Variants in BRSK2 observed in about 807,000 individuals in gnomAD.
BRSK2 encodes serine/threonine-protein kinase BRSK2.
BRSK2 carries 19 observed loss-of-function variants against 83.3 expected under a neutral mutation model. The observed-to-expected ratio is 0.23, with a 90% CI of 0.16 to 0.33. The LOEUF (loss-of-function observed/expected upper bound fraction) is 0.33, where lower values mean the gene tolerates loss of function less well. BRSK2 is among the 10% of genes least tolerant of loss of function. The pLI is 1.00. For synonymous variants in BRSK2, 519 were observed against 435.4 expected (o/e 1.19, Z -2.39); for missense variants, 798 against 1,042.3 (o/e 0.77, Z 3.23).
intron 1 of BRSK2, among the ~76,000 whole-genome samples, chr11:1,421,169 G>A (rs187838144): frequency 2.4e-4 from 36 of 152,316 alleles, no homozygotes; most frequent in African/African-American, 5.5e-4. Flanking sequence ...GCTGCGCTTC[G>A]GAGGGGAGGG....
chr11:1,414,474 T>C (rs1847886109), intron 1 of BRSK2, among the ~76,000 whole-genome samples: 1 of 152,212 alleles, frequency 6.6e-6, no homozygotes, highest in Admixed American at 6.5e-5. Context: ...CCTCAGAGTA[T>C]GCTAAGGTGC....
intron 1 of BRSK2, among the ~76,000 whole-genome samples, chr11:1,426,349 G>T (rs1243536927): frequency 1.3e-5 from 2 of 152,010 alleles, no homozygotes; most frequent in Non-Finnish European, 2.9e-5. Context: ...CTGGCGACTG[G>T]GCTTGGATCT....
At chr11:1,458,465 C>T (rs964386438) in intron 18 of BRSK2, among the ~76,000 whole-genome samples, 1 of 152,154 alleles carries the variant, frequency 6.6e-6, no homozygotes, top group Non-Finnish European at 1.5e-5. Flanking sequence ...CCCTGCCCCC[C>T]TCCCACACTG....
At chr11:1,445,142 C>A in intron 9 of BRSK2, 140 bp downstream of exon 9, 2 of 1,465,066 alleles carry the variant, frequency 1.4e-6, no homozygotes, top group South Asian at 1.2e-5. Flanking sequence ...GCGCTGGGTG[C>A]GGGGTGCGGG....
In BRSK2 at chr11:1,459,227, C is replaced by G. The variant is rs2133297446; in HGVS notation, c.1975C>G (p.Leu659Val). The G allele has an allele frequency of 1.2e-6, 2 of 1,613,816 alleles. No homozygotes were observed. Among genetic ancestry groups the G allele is most frequent in the Non-Finnish European group, 1.7e-6 (2 of 1,179,874 alleles). Residue 659 changes from leucine to valine, a missense_variant, in exon 19 of 20, where the codon CTT becomes GTT. Transcript: ENST00000528841. ...CTGTATGGAAATGATGACGGGGCGG[C>G]TTTCCAAATGTGGTAAGAATCCCCC... ...TNCMEMMTGR[L>V]SKCGSPLSNF...
At chr11:1,405,616 AC>A (rs1036537572) in intron 1 of BRSK2, among the ~76,000 whole-genome samples, 5 of 151,916 alleles carry the variant, frequency 3.3e-5, no homozygotes, top group African/African-American at 9.7e-5. Context: ...GGCGCCAGCT[AC>A]CCCCAAGGGC....
At chr11:1,416,029 AT>A (rs564785378) in intron 1 of BRSK2, among the ~76,000 whole-genome samples, 1 of 152,282 alleles carries the variant, frequency 6.6e-6, no homozygotes, top group Non-Finnish European at 1.5e-5. Flanking sequence ...AACCAAGTTC[AT>A]TAGTGCTCTT....
chr11:1,425,712 T>C (rs1382440668), intron 1 of BRSK2, among the ~76,000 whole-genome samples: 1 of 152,114 alleles, frequency 6.6e-6, no homozygotes, highest in Non-Finnish European at 1.5e-5. Flanking sequence ...TCCACTGGCC[T>C]TGGGGTAGAT....
intron 1 of BRSK2, among the ~76,000 whole-genome samples, chr11:1,409,055 GA>G (rs1256667081): frequency 6.6e-6 from 1 of 151,852 alleles, no homozygotes; most frequent in Non-Finnish European, 1.5e-5. Context: ...CCTGTACAGG[GA>G]TGTGTGTGTA....
Position 1,423,680 on chromosome 11 carries a change from G to A in BRSK2, c.92-12360G>A, listed in dbSNP as rs1215312642. On this transcript the variant is annotated intron_variant, in intron 1 of 19. Coordinates refer to ENST00000528841, the MANE Select transcript of BRSK2 (RefSeq NM_001256627.2). This position sits in a 1 kb window ranked among gnomAD's most constrained non-coding sequence, Gnocchi z 6.5. ...AGCCCTGCCCCAAGCCTCCCCCGCT[G>A]GGCGTTCCGGGTGCCCCAGGCCTCC... 7.1e-6 allele frequency among the ~76,000 whole-genome samples: 1 copy of A among 140,210 alleles called. No homozygotes were observed. Among genetic ancestry groups the A allele is most frequent in the African/African-American group, 3.0e-5 (1 of 33,060 alleles). The allele number at this position is 140,210 out of a possible 152,430, so 92.0% of individuals were successfully genotyped here. A position where few individuals can be genotyped will look rare whatever the true frequency, so the allele number is the denominator to read the frequency against.
intron 1 of BRSK2, chr11:1,411,393 C>T: frequency 6.9e-7 from 1 of 1,458,802 alleles, no homozygotes; most frequent in South Asian, 1.4e-5. Flanking sequence ...GGTAGGGCAC[C>T]AGCCTCACCC....
intron 2 of BRSK2, 143 bp downstream of exon 2, chr11:1,436,277 C>A (rs1850293128): frequency 7.0e-6 from 5 of 712,662 alleles, no homozygotes; most frequent in Non-Finnish European, 1.1e-5. Context: ...GCCGCCACAC[C>A]CCTGCTGGTC....
chr11:1,405,931 T>C (rs1485358451), intron 1 of BRSK2, among the ~76,000 whole-genome samples: 1 of 152,000 alleles, frequency 6.6e-6, no homozygotes, highest in Non-Finnish European at 1.5e-5. Flanking sequence ...CGTCAGACGC[T>C]GGTCTGCACC....
chr11:1,436,117 G>A lies in BRSK2; in HGVS notation c.169G>A (p.Glu57Lys), dbSNP rs1379253051. ...IKIVNREKLSESVLMKVEREI... is the reference protein window; with the variant it reads ...IKIVNREKLSKSVLMKVEREI... ...GATCGTCAACCGTGAGAAGCTCAGCGAGTCGGTGCTGATGAAGGTGGGTGG... is the reference window on the plus strand; with the variant it reads ...GATCGTCAACCGTGAGAAGCTCAGCAAGTCGGTGCTGATGAAGGTGGGTGG... Residue 57 changes from glutamate (E) to lysine (K), a missense_variant, in exon 2 of 20, where the codon GAG (glutamate) becomes AAG (lysine). By Grantham distance (56) the Glu-to-Lys change is moderately conservative (BLOSUM62 1). Transcript: ENST00000528841. The A allele has an allele frequency of 3.8e-6, 6 of 1,589,538 alleles. No homozygotes were observed. The highest frequency in any genetic ancestry group is 4.3e-6 in the Non-Finnish European group (5 of 1,168,232).
intron 1 of BRSK2, among the ~76,000 whole-genome samples, chr11:1,399,322 C>T (rs1008772923): frequency 6.6e-6 from 1 of 152,142 alleles, no homozygotes; most frequent in Non-Finnish European, 1.5e-5. Flanking sequence ...GGGGGTTGCT[C>T]TTGCTGGGAC....
In BRSK2 at chr11:1,450,628, C is replaced by A; in HGVS notation, c.1329C>A (p.Thr443=). The A allele has an allele frequency of 6.2e-7, 1 of 1,601,496 alleles. No homozygotes were observed. The highest frequency in any genetic ancestry group is 8.5e-7 in the Non-Finnish European group (1 of 1,175,788). ...HPSPRGSPLP[T]PKGTPVHTPK... is the part of the protein sequence containing the mutation. ...CACCAAGGGGCAGTCCCCTCCCCAC[C>A]CCCAAGGGGACACCTGTCCACACGC... The change falls in exon 14 of 20, where the codon ACC becomes ACA. Residue 443 remains threonine, a synonymous_variant. Transcript: ENST00000528841.
At chr11:1,426,846 C>T (rs1849291152) in intron 1 of BRSK2, among the ~76,000 whole-genome samples, 1 of 152,074 alleles carries the variant, frequency 6.6e-6, no homozygotes, top group Admixed American at 6.5e-5. Context: ...GGGGAGGGCC[C>T]TGTAGTGGCC....
chr11:1,440,661 C>T (rs1411396153), intron 3 of BRSK2, 127 bp from the exon 4 acceptor site: 2 of 1,280,388 alleles, frequency 1.6e-6, no homozygotes, highest in South Asian at 1.5e-5. Context: ...GCTGCCCCCC[C>T]AGCCAGCAAG....
rs1847430273 is a variant in BRSK2 at position 1,460,957 on chromosome 11, ACT to A, written c.*237_*238del. On this transcript the variant is annotated 3_prime_UTR_variant, in exon 20 of 20. Transcript: ENST00000528841. ...GTCTCTGACAGCATCGCTTGTTTCCACTCTGATACCAGGAATTATCCCGAAAA... is the reference window on the plus strand; with the variant it reads ...GTCTCTGACAGCATCGCTTGTTTCCACTGATACCAGGAATTATCCCGAAAA... The A allele has an allele frequency of 5.0e-6, 8 of 1,612,014 alleles. No homozygotes were observed. The African/African-American group carries it at 5.3e-5, about 11-fold the overall frequency.
Sources: allele counts gnomAD v4.1 joint callset (sites outside exome capture counted in the v4.1 genomes callset), GRCh38; gene constraint gnomAD v4.1.1; non-coding constraint Gnocchi (gnomAD v3.1); transcripts MANE v1.5; gene names NCBI Gene and HGNC (gene_info 2026-07-23, HGNC 2026-07-21).